The following INTS9 variants were observed in gnomAD, a reference collection of about 807,000 sequenced individuals.
INTS9 encodes integrator complex subunit 9.
A neutral mutation model predicts 79.7 loss-of-function variants in INTS9; 55 were observed. That is an observed-to-expected ratio of 0.69 (90% confidence interval 0.56 to 0.86). The LOEUF (loss-of-function observed/expected upper bound fraction) is 0.86. Ranked by LOEUF, INTS9 falls within the 40% of genes least tolerant of loss-of-function variation. The probability of loss-of-function intolerance (pLI) is 0.00; values close to 1 mark genes in which losing one functional copy is unlikely to be tolerated. For synonymous variants in INTS9, 319 were observed against 325.2 expected (o/e 0.98, Z 0.20); for missense variants, 721 against 831.5 (o/e 0.87, Z 1.64).
At chr8:28,814,282 TCTCACA>T (rs1288670406) in intron 6 of INTS9, among the ~76,000 whole-genome samples, 24 of 88,082 alleles carry the variant, frequency 2.7e-4, no homozygotes, top group Middle Eastern at 5.4e-3. Context: ...GAACAGGGCT[TCTCACA>T]CACACACACA....
chr8:28,881,433 G>A (rs1407283490), intron 1 of INTS9, among the ~76,000 whole-genome samples: 1 of 149,392 alleles, frequency 6.7e-6, no homozygotes, highest in Non-Finnish European at 1.5e-5. Flanking sequence ...GAGGTGGGGG[G>A]GTCAGCCCCC....
intron 6 of INTS9, among the ~76,000 whole-genome samples, chr8:28,822,123 T>C (rs954915144): frequency 1.1e-4 from 16 of 152,118 alleles, no homozygotes; most frequent in African/African-American, 3.9e-4. Flanking sequence ...AAAAAAATAT[T>C]ACAGCAGGAA....
At chr8:28,797,767 T>C (rs778866758) in intron 8 of INTS9, among the ~76,000 whole-genome samples, 70 of 152,104 alleles carry the variant, frequency 4.6e-4, no homozygotes, top group Non-Finnish European at 1.2e-4. Flanking sequence ...CCATTGAAAA[T>C]ACCCAGTGGA....
intron 8 of INTS9, among the ~76,000 whole-genome samples, chr8:28,804,777 A>C (rs1414766734): frequency 6.6e-6 from 1 of 152,244 alleles, no homozygotes; most frequent in African/African-American, 2.4e-5. Flanking sequence ...AAAATGTCCC[A>C]AAAATACACA....
At chr8:28,804,471 C>A (rs1203615719) in intron 8 of INTS9, among the ~76,000 whole-genome samples, 1 of 152,034 alleles carries the variant, frequency 6.6e-6, no homozygotes, top group Non-Finnish European at 1.5e-5. Context: ...CCCCCCGCCC[C>A]CCTGCATGAG....
chr8:28,826,162 A>G (rs1482787014), intron 6 of INTS9, among the ~76,000 whole-genome samples: 3 of 152,208 alleles, frequency 2.0e-5, no homozygotes, highest in Non-Finnish European at 2.9e-5. Context: ...TTTGTATTTT[A>G]TTAATACCCA....
At chr8:28,794,257 C>T (rs911869966) in intron 9 of INTS9, among the ~76,000 whole-genome samples, 41 of 152,308 alleles carry the variant, frequency 2.7e-4, no homozygotes, top group African/African-American at 9.6e-4. Flanking sequence ...AGCTGAGCTT[C>T]AGGACAGAGC....
At chr8:28,820,134 A>C (rs1019681622) in intron 6 of INTS9, among the ~76,000 whole-genome samples, 1 of 152,040 alleles carries the variant, frequency 6.6e-6, no homozygotes, top group Admixed American at 6.6e-5. Context: ...TTTTAATTGG[A>C]GCATTTAGTC....
intron 13 of INTS9, among the ~76,000 whole-genome samples, chr8:28,777,142 G>A (rs1382968652): frequency 6.6e-6 from 1 of 152,074 alleles, no homozygotes; most frequent in Non-Finnish European, 1.5e-5. Context: ...GAGGTTGAAG[G>A]TGCTGTGCTG....
At chr8:28,876,749 T>C (rs1019559963) in intron 1 of INTS9, among the ~76,000 whole-genome samples, 7 of 151,460 alleles carry the variant, frequency 4.6e-5, no homozygotes, top group Admixed American at 4.6e-4. Flanking sequence ...CTGGAAAGGG[T>C]ATTAAAAATT....
chr8:28,779,854 C>T (rs575812305), intron 12 of INTS9, among the ~76,000 whole-genome samples: 1 of 152,084 alleles, frequency 6.6e-6, no homozygotes, highest in African/African-American at 2.4e-5. Flanking sequence ...TCTGGTGTAA[C>T]TGGATTCCCA....
At chr8:28,875,746 T>C (rs1463914717) in intron 1 of INTS9, among the ~76,000 whole-genome samples, 1 of 152,184 alleles carries the variant, frequency 6.6e-6, no homozygotes, top group Non-Finnish European at 1.5e-5. Flanking sequence ...CGTTATATTC[T>C]CAATCACATA....
At chr8:28,824,781 T>C (rs1307481388) in intron 6 of INTS9, among the ~76,000 whole-genome samples, 1 of 152,196 alleles carries the variant, frequency 6.6e-6, no homozygotes, top group African/African-American at 2.4e-5. Flanking sequence ...AAAGAGAATT[T>C]ACAACCAGAG....
At chr8:28,887,079 A>T (rs1810208914) in intron 1 of INTS9, among the ~76,000 whole-genome samples, 1 of 152,240 alleles carries the variant, frequency 6.6e-6, no homozygotes, top group Non-Finnish European at 1.5e-5. Context: ...AAGTGCTACA[A>T]ATAGGAAGTA....
At chr8:28,773,490 A>T (rs143227323) in intron 14 of INTS9, among the ~76,000 whole-genome samples, 1 of 151,768 alleles carries the variant, frequency 6.6e-6, no homozygotes, top group Non-Finnish European at 1.5e-5. Flanking sequence ...AATCTATGAA[A>T]AAAGGAACTG....
At chr8:28,854,428 C>T (rs1309747990) in intron 2 of INTS9, among the ~76,000 whole-genome samples, 1 of 151,694 alleles carries the variant, frequency 6.6e-6, no homozygotes, top group African/African-American at 2.4e-5. Context: ...AGAAAGGGCA[C>T]TTTTGACAGT....
chr8:28,804,376 C>T (rs901557112), intron 8 of INTS9, among the ~76,000 whole-genome samples: 7 of 152,298 alleles, frequency 4.6e-5, no homozygotes, highest in Middle Eastern at 3.4e-3. Flanking sequence ...GCCTCTACTG[C>T]GGGTGGAGGA....
chr8:28,794,095 A>C, intron 9 of INTS9, 108 bp from the exon 10 acceptor site: 1 of 890,824 alleles, frequency 1.1e-6, no homozygotes, highest in East Asian at 2.7e-5. Flanking sequence ...TTCTGTTTTT[A>C]TGATTTACTT....
intron 14 of INTS9, among the ~76,000 whole-genome samples, chr8:28,773,006 A>G (rs189330067): frequency 6.6e-6 from 1 of 152,362 alleles, no homozygotes; most frequent in East Asian, 1.9e-4. Flanking sequence ...ACAAGCTGGC[A>G]ATATATAGCC....
Sources: gnomAD v4.1 joint callset for allele counts (sites outside exome capture counted in the v4.1 genomes callset) on GRCh38, gnomAD v4.1.1 for gene constraint, MANE v1.5 for transcripts, NCBI Gene and HGNC (gene_info 2026-07-23, HGNC 2026-07-21) for gene names.